The following NEBL variants were observed in gnomAD, a reference collection of about 807,000 sequenced individuals.
NEBL encodes the protein nebulette.
A neutral mutation model predicts 140.2 loss-of-function variants in NEBL; 122 were observed. That is an observed-to-expected ratio of 0.87 (90% CI 0.75 to 1.01). The LOEUF is 1.01. NEBL is among the 50% of genes least tolerant of loss of function. The pLI is 0.00. For synonymous variants in NEBL, 436 were observed against 398.9 expected (o/e 1.09, Z -1.11); for missense variants, 1,365 against 1,231.3 (o/e 1.11, Z -1.62).
At chr10:21,019,256 G>A (rs1469047642) in intron 3 of NEBL, among the ~76,000 whole-genome samples, 1 of 152,194 alleles carries the variant, frequency 6.6e-6, no homozygotes, top group East Asian at 1.9e-4. Flanking sequence ...ACACCCTCAA[G>A]ACAGGTAGAC....
Position 20,783,148 on chromosome 10 carries a change from A to T in NEBL, c.*2599T>A, listed in dbSNP as rs936089659. 2 of 152,592 alleles carry T rather than the reference A, an allele frequency of 1.3e-5. No individual in the cohort carries two copies. The highest frequency in any genetic ancestry group is 2.9e-5 in the Non-Finnish European group (2 of 68,042). The allele number at this position is 152,592 out of a possible 1,614,324, so 9.5% of individuals were successfully genotyped here. A position where few individuals can be genotyped will look rare whatever the true frequency, so the allele number is the denominator to read the frequency against. Reference sequence around the variant, plus strand: ...CCAAAGGTGGGAGGGAAGCACGTGGAAAGTGGAAAAGTTGTTCAGGCATGT... The same window carrying T: ...CCAAAGGTGGGAGGGAAGCACGTGGTAAGTGGAAAAGTTGTTCAGGCATGT... On this transcript the variant is annotated 3_prime_UTR_variant, in exon 28 of 28. Transcript: ENST00000377122.
In NEBL at chr10:20,835,615, G is replaced by C; in HGVS notation, c.1347C>G (p.Tyr449Ter). 6.2e-7 allele frequency: 1 copy of C among 1,605,122 alleles called. No individual in the cohort carries two copies. Among genetic ancestry groups the C allele is most frequent in the Middle Eastern group, 1.7e-4 (1 of 6,048 alleles). Reference protein sequence around the residue: ...RASEMASEKEYKKDLESIIKG... With the variant: ...RASEMASEKE ...TAATTATTGACTCCAGGTCTTTCTT[G>C]TATTCTTTCTGCAAAAGACAACATT... Residue 449 changes from tyrosine to a stop codon, truncating the protein, a stop_gained, in exon 14 of 28, where the codon TAC becomes TAG. Coordinates refer to ENST00000377122, the MANE Select transcript of NEBL (RefSeq NM_006393.3). LOFTEE classifies it high-confidence loss of function.
chr10:21,191,763 A>G (rs546957613), intron 3 of NEBL, among the ~76,000 whole-genome samples: 1 of 152,168 alleles, frequency 6.6e-6, no homozygotes, highest in Non-Finnish European at 1.5e-5. Flanking sequence ...CTTATCAAAA[A>G]CCAAATCTCA....
chr10:21,056,237 T>A (rs1243300087), intron 2 of NEBL, among the ~76,000 whole-genome samples: 3 of 152,218 alleles, frequency 2.0e-5, no homozygotes, highest in Admixed American at 1.3e-4. Context: ...GATCCCTGAT[T>A]GCAATTTATG....
intron 4 of NEBL, among the ~76,000 whole-genome samples, chr10:20,952,850 A>G (rs1403128007): frequency 4.9e-5 from 7 of 142,350 alleles, no homozygotes; most frequent in Admixed American, 7.6e-5. Context: ...GGTTGCAGTA[A>G]GCCGAGATTG....
At chr10:21,250,787 C>G (rs1000570335) in intron 2 of NEBL, among the ~76,000 whole-genome samples, 1 of 151,954 alleles carries the variant, frequency 6.6e-6, no homozygotes, top group East Asian at 1.9e-4. Context: ...TGGTGGTAGG[C>G]AACTGTGAGG....
chr10:21,098,220 T>TG (rs1205823877), intron 2 of NEBL, among the ~76,000 whole-genome samples: 8 of 137,438 alleles, frequency 5.8e-5, no homozygotes, highest in Non-Finnish European at 1.3e-4. Context: ...ACATTCTCAC[T>TG]CACACGTGCA....
chr10:20,931,389 ATAC>A (rs1654080429), intron 4 of NEBL, among the ~76,000 whole-genome samples: 1 of 152,240 alleles, frequency 6.6e-6, no homozygotes, highest in South Asian at 2.1e-4. Context: ...CAGTATATAA[ATAC>A]GTTTATAAAT....
intron 7 of NEBL, 127 bp downstream of exon 7, chr10:20,868,537 G>A (rs1844558125): frequency 1.3e-6 from 1 of 787,076 alleles, no homozygotes; most frequent in Non-Finnish European, 2.3e-6. Context: ...ATCTGAACTG[G>A]GTTCAGAAAC....
chr10:21,110,083 T>C (rs1837921726), intron 2 of NEBL, among the ~76,000 whole-genome samples: 2 of 152,158 alleles, frequency 1.3e-5, no homozygotes, highest in South Asian at 4.1e-4. Context: ...CTAGTTCTTT[T>C]AATTGTGATG....
intron 3 of NEBL, among the ~76,000 whole-genome samples, chr10:21,246,995 TAGTG>T (rs1187043045): frequency 1.3e-5 from 2 of 152,116 alleles, no homozygotes; most frequent in African/African-American, 4.8e-5. Flanking sequence ...GTTCTCGTGA[TAGTG>T]AGTGAGTTCT....
intron 2 of NEBL, 56 bp from the exon 3 acceptor site, chr10:20,890,005 C>T: frequency 8.7e-7 from 1 of 1,151,158 alleles, no homozygotes; most frequent in Non-Finnish European, 1.3e-6. Context: ...TTCTAATGGC[C>T]TTTTTTGAAT....
At chr10:20,866,576 A>G (rs996444561) in intron 7 of NEBL, among the ~76,000 whole-genome samples, 2 of 152,158 alleles carry the variant, frequency 1.3e-5, no homozygotes, top group African/African-American at 2.4e-5. Context: ...AGGCTCTGCC[A>G]TCAGATTTCT....
In NEBL at chr10:20,942,321, A is replaced by G. The variant is rs141294379; in HGVS notation, c.357+19351T>C. ...CCATCTGTTCTTTGACAAACCTGAC[A>G]AAAACAAGAAATGGGGAAACGATTC... On this transcript the variant is annotated intron_variant, in intron 4 of 6. Transcript: ENST00000417816. Among the ~76,000 whole-genome samples, 1,352 of 152,346 alleles carry G rather than the reference A, an allele frequency of 8.9e-3. 17 individuals carry two copies. Among genetic ancestry groups the G allele is most frequent in the African/African-American group, 0.031 (1,274 of 41,578 alleles).
intron 2 of NEBL, among the ~76,000 whole-genome samples, chr10:21,151,363 G>C (rs939850796): frequency 3.3e-5 from 5 of 152,026 alleles, no homozygotes; most frequent in African/African-American, 1.2e-4. Context: ...GATAACTCTT[G>C]GTTCATTTTA....
At chr10:21,188,108 T>A (rs1464431962) in intron 3 of NEBL, among the ~76,000 whole-genome samples, 1 of 152,200 alleles carries the variant, frequency 6.6e-6, no homozygotes, top group East Asian at 1.9e-4. Context: ...CAGTATGCTG[T>A]CACTCTCTTT....
chr10:21,059,934 T>C (rs10828179), intron 2 of NEBL, among the ~76,000 whole-genome samples: 62,013 of 152,106 alleles, frequency 0.41, 12,726 homozygotes, highest in Middle Eastern at 0.47. Flanking sequence ...TACTAGGTCA[T>C]ATTTTAAGGA....
chr10:20,894,229 G>A (rs892307816), intron 2 of NEBL, among the ~76,000 whole-genome samples: 9 of 152,192 alleles, frequency 5.9e-5, no homozygotes, highest in African/African-American at 2.2e-4. Flanking sequence ...CAGCACTCTG[G>A]GAGAACGATG....
At position 21,225,482 on chromosome 10, in the gene NEBL, C is replaced by T. The variant is rs189812420; in HGVS notation, n.348+22439G>A. On this transcript the variant is annotated intron_variant and non_coding_transcript_variant, in intron 3 of 8. Transcript: ENST00000675702. ...GTTCTTCTCTTGAGGGTGGCAAGTT[C>T]CCCCAACCCCAGGCAGGTCCAGAGA... Among the ~76,000 whole-genome samples, 232 of 152,236 alleles carry T rather than the reference C, an allele frequency of 1.5e-3. 2 individuals carry two copies. Among genetic ancestry groups the T allele is most frequent in the Non-Finnish European group, 4.3e-4 (29 of 68,000 alleles).
Sources: allele counts gnomAD v4.1 joint callset (sites outside exome capture counted in the v4.1 genomes callset), GRCh38; gene constraint gnomAD v4.1.1; transcripts MANE v1.5; gene names NCBI Gene and HGNC (gene_info 2026-07-23, HGNC 2026-07-21).